FHIT: variants seen among roughly 807,000 people sequenced by gnomAD.
FHIT encodes the protein bis(5'-adenosyl)-triphosphatase.
FHIT carries 19 observed loss-of-function variants against 17.9 expected under a neutral mutation model. The ratio of observed to expected loss-of-function variants is 1.06; its 90% CI spans 0.74 to 1.56. The LOEUF (loss-of-function observed/expected upper bound fraction) is 1.56, where lower values mean the gene tolerates loss of function less well. Among genes scored for constraint, FHIT ranks in the 40% most tolerant of loss-of-function variants. The pLI is 0.00. For synonymous variants in FHIT, 81 were observed against 69.7 expected, an observed-to-expected ratio of 1.16 and a Z score of -0.81; for missense variants, 248 against 189.2, an observed-to-expected ratio of 1.31 and a Z score of -1.82.
At chr3:59,882,416 G>T (rs941565799) in intron 8 of FHIT, among the ~76,000 whole-genome samples, 5 of 152,062 alleles carry the variant, frequency 3.3e-5, no homozygotes, top group Non-Finnish European at 5.9e-5. Context: ...AAGAGAGATC[G>T]TTATAGCACC....
chr3:60,059,310 G>T lies in FHIT; in HGVS notation c.104-45158C>A, dbSNP rs112286622. Reference sequence around the variant, plus strand: ...TTTCTGGGGCATTCCACTGGAAAAGGGAAGAAAGCCTCAGGTGGGCATACA... The same window carrying T: ...TTTCTGGGGCATTCCACTGGAAAAGTGAAGAAAGCCTCAGGTGGGCATACA... On this transcript the variant is annotated intron_variant, in intron 5 of 9. Transcript: ENST00000492590. Among the ~76,000 whole-genome samples the T allele has an allele frequency of 4.0e-3, 613 of 152,226 alleles. 6 individuals are homozygous for T. Among genetic ancestry groups the T allele is most frequent in the African/African-American group, 0.014 (582 of 41,530 alleles).
At chr3:60,752,592 C>T (rs762236427) in intron 4 of FHIT, among the ~76,000 whole-genome samples, 3 of 152,156 alleles carry the variant, frequency 2.0e-5, no homozygotes, top group Admixed American at 2.0e-4. Context: ...CAATTCGAAC[C>T]CACAACCCTG....
At chr3:60,475,421 C>T (rs962581776) in intron 5 of FHIT, among the ~76,000 whole-genome samples, 5 of 152,136 alleles carry the variant, frequency 3.3e-5, no homozygotes, top group Non-Finnish European at 5.9e-5. Flanking sequence ...AGATTGAATA[C>T]TGTGATTATT....
In FHIT at chr3:60,427,279, A is replaced by G. The variant is rs373570811; in HGVS notation, c.103+109581T>C. Among the ~76,000 whole-genome samples the G allele has an allele frequency of 1.8e-4, 28 of 152,198 alleles. No individual in the cohort carries two copies. In the South Asian group the frequency reaches 5.4e-3, roughly 29 times the overall value. ...GAACGCTGCGCAGTAGCCGAAAGAT[A>G]ATGGGTGCCCCAGTCCTACAATCAC... On this transcript the variant is annotated intron_variant, in intron 5 of 9. Coordinates refer to ENST00000492590, the MANE Select transcript of FHIT (RefSeq NM_002012.4).
At chr3:60,087,618 C>T (rs1392119693) in intron 5 of FHIT, among the ~76,000 whole-genome samples, 5 of 152,204 alleles carry the variant, frequency 3.3e-5, no homozygotes, top group African/African-American at 9.6e-5. Flanking sequence ...CCACCCTCAT[C>T]ACTTTTAAGT....
chr3:60,819,359 C>A (rs782364591), intron 4 of FHIT, among the ~76,000 whole-genome samples: 3 of 152,118 alleles, frequency 2.0e-5, no homozygotes, highest in Non-Finnish European at 2.9e-5. Context: ...GAACATCAAT[C>A]AATTCTAGCT....
In FHIT at chr3:60,870,822, G is replaced by A. The variant is rs543611039; in HGVS notation, c.-110-48811C>T. 1.4e-4 allele frequency among the ~76,000 whole-genome samples: 22 copies of A among 152,178 alleles called. 1 individual carries two copies. Among genetic ancestry groups the A allele is most frequent in the Admixed American group, 7.9e-4 (12 of 15,266 alleles). Reference sequence around the variant, plus strand: ...TCACAAACTTGGGTAATGTAATTCCGTCTTGAAGAGAGAGTCCCCCATGGG... The same window carrying A: ...TCACAAACTTGGGTAATGTAATTCCATCTTGAAGAGAGAGTCCCCCATGGG... On this transcript the variant is annotated intron_variant, in intron 3 of 9. Coordinates refer to ENST00000492590, the MANE Select transcript of FHIT (RefSeq NM_002012.4).
chr3:60,053,078 C>T (rs572362132), intron 5 of FHIT, among the ~76,000 whole-genome samples: 1 of 151,902 alleles, frequency 6.6e-6, no homozygotes, highest in African/African-American at 2.4e-5. Flanking sequence ...AATAAGAATG[C>T]CAAGCTCCAT....
intron 4 of FHIT, among the ~76,000 whole-genome samples, chr3:60,610,185 T>C (rs535747206): frequency 4.0e-4 from 61 of 152,330 alleles, no homozygotes; most frequent in African/African-American, 1.4e-3. Flanking sequence ...TGCACTTGCA[T>C]AGTGGGAAGA....
intron 5 of FHIT, among the ~76,000 whole-genome samples, chr3:60,436,207 C>A (rs2107312537): frequency 6.6e-6 from 1 of 152,098 alleles, no homozygotes; most frequent in Non-Finnish European, 1.5e-5. Flanking sequence ...GCCACCACAT[C>A]CAGCTAATTT....
At chr3:60,407,822 G>C (rs1701927958) in intron 5 of FHIT, among the ~76,000 whole-genome samples, 1 of 152,164 alleles carries the variant, frequency 6.6e-6, no homozygotes, top group Admixed American at 6.5e-5. Flanking sequence ...TGACCCAAAT[G>C]TACATATTTA....
chr3:60,668,776 A>C lies in FHIT; in HGVS notation c.-17-131797T>G, dbSNP rs909484940. ...GAGACGGGGTTCCACCGTGTTAGCC[A>C]GGATGGTCTCGCTCTCCTGACCTCA... On this transcript the variant is annotated intron_variant, in intron 4 of 9. Coordinates refer to ENST00000492590, the MANE Select transcript of FHIT (RefSeq NM_002012.4). Among the ~76,000 whole-genome samples, 7 of 152,112 alleles carry C rather than the reference A, an allele frequency of 4.6e-5. No homozygotes were observed. In the East Asian group the frequency reaches 1.4e-3, roughly 29 times the overall value.
chr3:59,763,250 G>A (rs566229758), intron 8 of FHIT, among the ~76,000 whole-genome samples: 3 of 152,180 alleles, frequency 2.0e-5, no homozygotes, highest in Admixed American at 6.5e-5. Context: ...CAGAGTCTTC[G>A]GAAGCACAGT....
chr3:60,853,051 A>G (rs1333822999), intron 3 of FHIT, among the ~76,000 whole-genome samples: 8 of 152,078 alleles, frequency 5.3e-5, no homozygotes, highest in African/African-American at 1.9e-4. Flanking sequence ...GAGCATCTCA[A>G]CACATGGTTT....
In FHIT at chr3:59,788,881, G is replaced by GTTTTTTTTTTTTGTTT. The variant is rs60361063; in HGVS notation, c.349-36561_349-36560insAAACAAAAAAAAAAAA. 1.1e-3 allele frequency among the ~76,000 whole-genome samples: 94 copies of GTTTTTTTTTTTTGTTT among 86,842 alleles called. 6 individuals carry two copies. Among genetic ancestry groups the GTTTTTTTTTTTTGTTT allele is most frequent in the South Asian group, 2.3e-3 (5 of 2,158 alleles). The allele number at this position is 86,842 out of a possible 152,430, so 57.0% of individuals were successfully genotyped here. Reference sequence around the variant, plus strand: ...ACCACGTTCTTTGCTGAGTTCATATGTTTTTTTTTTTTACCCCATCTCCAA... The same window carrying GTTTTTTTTTTTTGTTT: ...ACCACGTTCTTTGCTGAGTTCATATGTTTTTTTTTTTTGTTTTTTTTTTTTTTTACCCCATCTCCAA... On this transcript the variant is annotated intron_variant, in intron 8 of 9. Coordinates refer to ENST00000492590, the MANE Select transcript of FHIT (RefSeq NM_002012.4).
At chr3:60,009,348 T>C (rs1488515525) in intron 7 of FHIT, among the ~76,000 whole-genome samples, 1 of 152,130 alleles carries the variant, frequency 6.6e-6, no homozygotes, top group Non-Finnish European at 1.5e-5. Flanking sequence ...CAAAACAGCA[T>C]AACCTGCTGA....
chr3:59,754,929 C>CTA (rs1258960161), intron 8 of FHIT, among the ~76,000 whole-genome samples: 2 of 152,044 alleles, frequency 1.3e-5, no homozygotes, highest in African/African-American at 4.8e-5. Flanking sequence ...CTGTAATCAT[C>CTA]TAGGAAGCTT....
At chr3:60,459,105 A>G (rs2032300834) in intron 5 of FHIT, among the ~76,000 whole-genome samples, 2 of 152,180 alleles carry the variant, frequency 1.3e-5, no homozygotes, top group East Asian at 1.9e-4. Flanking sequence ...GGTGGAAAGA[A>G]AAGCATTTTT....
At chr3:59,832,736 A>G (rs1701208299) in intron 8 of FHIT, among the ~76,000 whole-genome samples, 1 of 152,352 alleles carries the variant, frequency 6.6e-6, no homozygotes, top group African/African-American at 2.4e-5. Context: ...AGGCTAATAC[A>G]CAAATTTTTC....
Sources: gnomAD v4.1 joint callset for allele counts (sites outside exome capture counted in the v4.1 genomes callset) on GRCh38, gnomAD v4.1.1 for gene constraint, MANE v1.5 for transcripts, NCBI Gene and HGNC (gene_info 2026-07-23, HGNC 2026-07-21) for gene names.